SKIL: variants seen among roughly 807,000 people sequenced by gnomAD.
The protein encoded by SKIL is SKI like proto-oncogene, also known as ski-like protein.
Under a neutral mutation model 69.6 loss-of-function variants are expected in SKIL, and 20 were observed. The ratio of observed to expected loss-of-function variants is 0.29; its 90% CI spans 0.20 to 0.42. The LOEUF is 0.42. Ranked by LOEUF, SKIL falls within the 10% of genes least tolerant of loss-of-function variation. The pLI, the probability that SKIL is intolerant of heterozygous loss-of-function variation, is 1.00. For synonymous variants in SKIL, 310 were observed against 279.9 expected, an observed-to-expected ratio of 1.11 and a Z score of -1.08; for missense variants, 745 against 783.1, an observed-to-expected ratio of 0.95 and a Z score of 0.58.
chr3:170,358,546 C>G (rs547036710), intron 1 of SKIL: 1 of 152,716 alleles, frequency 6.5e-6, no homozygotes, highest in Non-Finnish European at 1.5e-5. Context: ...CTCTTGCTCT[C>G]TTCCTTGGCC....
In SKIL at chr3:170,359,695, C is replaced by T. The variant is rs1034261220; in HGVS notation, c.-633-4C>T. On this transcript the variant is annotated splice_polypyrimidine_tract_variant and splice_region_variant and intron_variant, in intron 1 of 6. Transcript: ENST00000259119. ...CTTCCCCAACCCCCCTTCTCTTCTT[C>T]CAGATTAATTAAAAGAAGAATGAAC... The T allele has an allele frequency of 6.6e-6, 1 of 152,124 alleles. No individual in the cohort carries two copies. Among genetic ancestry groups the T allele is most frequent in the Non-Finnish European group, 1.5e-5 (1 of 68,044 alleles). The allele number at this position is 152,124 out of a possible 1,614,324, so 9.4% of individuals were successfully genotyped here.
At chr3:170,380,496 T>A (rs1560216234) in intron 2 of SKIL, among the ~76,000 whole-genome samples, 1 of 151,966 alleles carries the variant, frequency 6.6e-6, no homozygotes, top group South Asian at 2.1e-4. Flanking sequence ...TACAAAAAAT[T>A]AGCTGGGTGT....
At position 170,390,470 on chromosome 3, in the gene SKIL, ATTG is replaced by A; in HGVS notation, c.1671+9_1671+11del. On this transcript the variant is annotated splice_region_variant and intron_variant, in intron 5 of 6. Coordinates refer to ENST00000259119, the MANE Select transcript of SKIL (RefSeq NM_005414.5). ...AGAAGCAACAACTTCAGATGGTAAA[ATTG>A]TTATCTAAATGATAGTCCATTATGA... is the stretch of plus-strand genomic sequence containing the variant. The A allele has an allele frequency of 1.9e-6, 3 of 1,605,324 alleles. No individual in the cohort carries two copies. Among genetic ancestry groups the A allele is most frequent in the Non-Finnish European group, 2.6e-6 (3 of 1,172,566 alleles).
intron 2 of SKIL, among the ~76,000 whole-genome samples, chr3:170,379,732 C>T (rs1737230443): frequency 6.6e-6 from 1 of 152,180 alleles, no homozygotes; most frequent in African/African-American, 2.4e-5. Context: ...CACCCTCCAT[C>T]TCCTGGGTTC....
At chr3:170,378,595 A>C (rs1201834784) in intron 2 of SKIL, among the ~76,000 whole-genome samples, 2 of 119,550 alleles carry the variant, frequency 1.7e-5, no homozygotes, top group African/African-American at 3.1e-5. Flanking sequence ...TCTGTCACCC[A>C]GGTTGGAGTG....
In SKIL at chr3:170,390,208, T is replaced by C; in HGVS notation, c.1430-15T>C. ...TGATATTCATACTTTGTTACTTGAT[T>C]TTTTTCTCTCCAAGATGCATCAATC... On this transcript the variant is annotated splice_polypyrimidine_tract_variant and intron_variant, in intron 4 of 6. Transcript: ENST00000259119. 6.3e-7 allele frequency: 1 copy of C among 1,586,142 alleles called. No individual in the cohort carries two copies. Among genetic ancestry groups the C allele is most frequent in the South Asian group, 1.1e-5 (1 of 89,634 alleles).
intron 2 of SKIL, among the ~76,000 whole-genome samples, chr3:170,371,605 A>G (rs1321834537): frequency 2.6e-5 from 4 of 152,206 alleles, no homozygotes; most frequent in Admixed American, 6.5e-5. Flanking sequence ...TCTAACTGCA[A>G]TTTGTCATTC....
At position 170,360,428 on chromosome 3, in the gene SKIL, A is replaced by G; in HGVS notation, c.97A>G (p.Ile33Val). The G allele has an allele frequency of 1.2e-6, 2 of 1,613,760 alleles. No homozygotes were observed. The highest frequency in any genetic ancestry group is 2.2e-5 in the East Asian group (1 of 44,886). The change falls in exon 2 of 7, where the codon ATA becomes GTA. Residue 33 changes from isoleucine to valine, a missense_variant. Coordinates refer to ENST00000259119, the MANE Select transcript of SKIL (RefSeq NM_005414.5). Reference sequence around the variant, plus strand: ...TGGCAGCCCCCCAGCGAAAAAAATGATAACGGACATTCATGCAAATGGAAA... The same window carrying G: ...TGGCAGCCCCCCAGCGAAAAAAATGGTAACGGACATTCATGCAAATGGAAA... ...DDGSPPAKKM[I>V]TDIHANGKTI...
At chr3:170,379,300 T>G (rs1414280091) in intron 2 of SKIL, among the ~76,000 whole-genome samples, 1 of 152,058 alleles carries the variant, frequency 6.6e-6, no homozygotes, top group Non-Finnish European at 1.5e-5. Flanking sequence ...AAAGGTAGGG[T>G]TTAGAGAAAT....
intron 3 of SKIL, among the ~76,000 whole-genome samples, chr3:170,382,415 T>TA (rs1737400038): frequency 8.3e-6 from 1 of 120,690 alleles, no homozygotes; most frequent in Admixed American, 9.0e-5. Flanking sequence ...CAACTTTGAT[T>TA]TTTTTTTTTT....
chr3:170,387,355 C>T (rs1309864337), intron 4 of SKIL, among the ~76,000 whole-genome samples: 1 of 152,096 alleles, frequency 6.6e-6, no homozygotes, highest in Non-Finnish European at 1.5e-5. Flanking sequence ...TTCTCGAAGC[C>T]TCTGGCAACC....
chr3:170,383,078 G>A lies in SKIL; in HGVS notation c.1197-1455G>A, dbSNP rs758191710. On this transcript the variant is annotated intron_variant, in intron 3 of 6. Coordinates refer to ENST00000259119, the MANE Select transcript of SKIL (RefSeq NM_005414.5). ...GAAACTAAGAGCTTTCTTAATAACC[G>A]TACTTCTCAAAATCAGAGTTTTACT... is the stretch of plus-strand genomic sequence containing the variant. Among the ~76,000 whole-genome samples the A allele has an allele frequency of 2.0e-5, 3 of 152,064 alleles. No homozygotes were observed. The East Asian group carries it at 5.8e-4, about 29-fold the overall frequency.
chr3:170,377,398 CTT>C (rs34584855), intron 2 of SKIL, among the ~76,000 whole-genome samples: 7 of 136,698 alleles, frequency 5.1e-5, no homozygotes, highest in African/African-American at 8.1e-5. Flanking sequence ...GTGCCCAGGC[CTT>C]TTTTTTTTTT....
At chr3:170,381,161 C>T (rs1737322137) in intron 2 of SKIL, 83 bp from the exon 3 acceptor site, 2 of 768,702 alleles carry the variant, frequency 2.6e-6, no homozygotes, top group Admixed American at 1.8e-5. Flanking sequence ...TGTCTTTACC[C>T]AGTGGCCCAG....
At chr3:170,362,951 A>AAT in intron 2 of SKIL, among the ~76,000 whole-genome samples, 1 of 151,122 alleles carries the variant, frequency 6.6e-6, no homozygotes, top group South Asian at 2.1e-4. Context: ...TGGGATTATT[A>AAT]AATATTTAGT....
chr3:170,375,826 T>G (rs1336783362), intron 2 of SKIL, among the ~76,000 whole-genome samples: 3 of 152,088 alleles, frequency 2.0e-5, no homozygotes, highest in Non-Finnish European at 4.4e-5. Context: ...GCAGTCCTTG[T>G]GCCTTGGCCT....
chr3:170,383,191 A>G (rs1737449504), intron 3 of SKIL, among the ~76,000 whole-genome samples: 1 of 152,142 alleles, frequency 6.6e-6, no homozygotes, highest in Non-Finnish European at 1.5e-5. Flanking sequence ...TATTCCCTCC[A>G]AGTATGGTGA....
At position 170,377,398 on chromosome 3, in the gene SKIL, C is replaced by CTT. The variant is rs34584855; in HGVS notation, c.1099-3832_1099-3831dup. On this transcript the variant is annotated intron_variant, in intron 2 of 6. Transcript: ENST00000259119. ...TAGGCATGAGCCACTGTGCCCAGGCCTTTTTTTTTTTTTTTAATTCCACAT... is the reference window on the plus strand; with the variant it reads ...TAGGCATGAGCCACTGTGCCCAGGCCTTTTTTTTTTTTTTTTTAATTCCACAT... Among the ~76,000 whole-genome samples the CTT allele has an allele frequency of 1.8e-3, 247 of 136,684 alleles. 1 individual carries two copies. The highest frequency in any genetic ancestry group is 4.5e-3 in the East Asian group (21 of 4,696). 89.7% of individuals were successfully genotyped at this position (136,684 alleles called of 152,430 possible). A position where few individuals can be genotyped will look rare whatever the true frequency, so the allele number is the denominator to read the frequency against.
chr3:170,377,542 C>CATTTT (rs1737093584), intron 2 of SKIL, among the ~76,000 whole-genome samples: 1 of 77,332 alleles, frequency 1.3e-5, no homozygotes, highest in Non-Finnish European at 2.3e-5. Flanking sequence ...CTCAATAATT[C>CATTTT]TTTTTTTTTT....
Sources: gnomAD v4.1 joint callset for allele counts (sites outside exome capture counted in the v4.1 genomes callset) on GRCh38, gnomAD v4.1.1 for gene constraint, MANE v1.5 for transcripts, NCBI Gene and HGNC (gene_info 2026-07-23, HGNC 2026-07-21) for gene names.